Variants in MSH4 observed in about 807,000 individuals in gnomAD.
The protein encoded by MSH4 is mutS homolog 4.
MSH4 carries 106 observed loss-of-function variants against 113.7 expected under a neutral mutation model. The ratio of observed to expected loss-of-function variants is 0.93; its 90% CI spans 0.80 to 1.10. The LOEUF is 1.10. MSH4 is among the 50% of genes least tolerant of loss of function. MSH4 has a pLI of 0.00. For synonymous variants in MSH4, 368 were observed against 380.2 expected (o/e 0.97, Z 0.37); for missense variants, 1,061 against 1,093.7 (o/e 0.97, Z 0.42).
At chr1:75,893,769 T>G (rs1317587682) in intron 17 of MSH4, among the ~76,000 whole-genome samples, 1 of 152,112 alleles carries the variant, frequency 6.6e-6, no homozygotes, top group African/African-American at 2.4e-5. Flanking sequence ...TCTAAGGGTG[T>G]GGGATAAGGG....
rs1650173981 is a variant in MSH4 at position 75,810,774 on chromosome 1, C to T, written c.666C>T (p.Thr222=). 6.3e-7 allele frequency: 1 copy of T among 1,588,176 alleles called. No homozygotes were observed. The highest frequency in any genetic ancestry group is 1.8e-5 in the Admixed American group (1 of 56,182). The change falls in exon 4 of 20, where the codon ACC becomes ACT. Residue 222 remains threonine, a synonymous_variant. Coordinates refer to ENST00000263187, the MANE Select transcript of MSH4 (RefSeq NM_002440.4). ...CTGCTTGTGCTGTGGGGAATTCCAC[C>T]AAGTTGTTCACTCTGATCACAGAAA... is the stretch of plus-strand genomic sequence containing the variant. The part of the protein sequence containing the change: ...SNTACAVGNS[T]KLFTLITENF...
chr1:75,827,309 G>T (rs193229689), intron 7 of MSH4, among the ~76,000 whole-genome samples: 1 of 152,168 alleles, frequency 6.6e-6, no homozygotes, highest in Admixed American at 6.5e-5. Flanking sequence ...TCACCATCAG[G>T]CCTGCCTTGC....
At chr1:75,905,096 CTTG>C (rs1224233568) in intron 19 of MSH4, among the ~76,000 whole-genome samples, 4 of 149,092 alleles carry the variant, frequency 2.7e-5, no homozygotes, top group Non-Finnish European at 5.9e-5. Context: ...TTAGGTTTGG[CTTG>C]TTGTTTTTGC....
chr1:75,879,055 G>A lies in MSH4; in HGVS notation c.1604G>A (p.Arg535Gln), dbSNP rs1244992679. The A allele has an allele frequency of 2.1e-5, 34 of 1,610,334 alleles. No individual in the cohort carries two copies. In the East Asian group the frequency reaches 3.6e-4, roughly 17 times the overall value. The change falls in exon 12 of 20, where the codon CGA (arginine) becomes CAA (glutamine). Residue 535 changes from arginine to glutamine, a missense_variant. Transcript: ENST00000263187. ...TTAAGGACAAGTTTTAGCTCTGCTC[G>A]AGGATTTTTCATCCAGATGACTACA... ...LPLRTSFSSARGFFIQMTTDC... is the reference protein window; with the variant it reads ...LPLRTSFSSAQGFFIQMTTDC...
chr1:75,816,309 A>T, intron 5 of MSH4, 64 bp from the exon 6 acceptor site: 1 of 1,091,242 alleles, frequency 9.2e-7, no homozygotes, highest in Non-Finnish European at 1.2e-6. Flanking sequence ...AATTTTTCTT[A>T]AGGGGAAATA....
At chr1:75,887,135 A>G (rs1031787787) in intron 15 of MSH4, among the ~76,000 whole-genome samples, 2 of 151,954 alleles carry the variant, frequency 1.3e-5, no homozygotes, top group East Asian at 3.9e-4. Flanking sequence ...CTCACCTTGA[A>G]TTGTAATCCC....
At chr1:75,879,712 G>C (rs1215286640) in intron 12 of MSH4, among the ~76,000 whole-genome samples, 2 of 152,124 alleles carry the variant, frequency 1.3e-5, no homozygotes, top group Admixed American at 6.6e-5. Context: ...AGGGGTCAGA[G>C]ATGGAGTGAG....
At chr1:75,885,361 G>A (rs1196736733) in intron 15 of MSH4, among the ~76,000 whole-genome samples, 4 of 120,062 alleles carry the variant, frequency 3.3e-5, no homozygotes, top group Admixed American at 2.0e-4. Context: ...ATATATAAAG[G>A]TATGTAACAT....
At position 75,848,237 on chromosome 1, in the gene MSH4, G is replaced by C. The variant is rs1243683675; in HGVS notation, c.1191G>C (p.Gln397His). ...TATCAAGATTTCTTGATACAGAGCA[G>C]CTTCTTTCTGTTTTAGTCCAAATTC... ...SVISRFLDTEQLLSVLVQIPK... is the reference protein window; with the variant it reads ...SVISRFLDTEHLLSVLVQIPK... The change falls in exon 8 of 20, where the codon CAG becomes CAC. Residue 397 changes from glutamine to histidine, a missense_variant. Physicochemically the swap from Gln to His is conservative, Grantham distance 24 (BLOSUM62 0). Coordinates refer to ENST00000263187, the MANE Select transcript of MSH4 (RefSeq NM_002440.4). 3 of 1,609,238 alleles carry C rather than the reference G, an allele frequency of 1.9e-6. No individual in the cohort carries two copies. The highest frequency in any genetic ancestry group is 1.1e-5 in the South Asian group (1 of 90,590).
At chr1:75,835,249 G>A (rs1384771152) in intron 7 of MSH4, among the ~76,000 whole-genome samples, 1 of 152,042 alleles carries the variant, frequency 6.6e-6, no homozygotes, top group Non-Finnish European at 1.5e-5. Context: ...CAAAATTCTG[G>A]TATTATATTG....
intron 7 of MSH4, among the ~76,000 whole-genome samples, chr1:75,824,705 C>G (rs1038006302): frequency 6.6e-6 from 1 of 152,124 alleles, no homozygotes; most frequent in Non-Finnish European, 1.5e-5. Context: ...GCCAGTTTTC[C>G]TAGCACCGTT....
rs944599452 is a variant in MSH4 at position 75,887,319 on chromosome 1, A to C, written c.2108-1932A>C. Among the ~76,000 whole-genome samples, 3 of 151,908 alleles carry C rather than the reference A, an allele frequency of 2.0e-5. No individual in the cohort carries two copies. The South Asian group carries it at 6.2e-4, about 32-fold the overall frequency. ...CATATGAGGACGGTCCTTGCTTTCTATTTGCCTTCCGTCATGATTGTAAGT... is the reference window on the plus strand; with the variant it reads ...CATATGAGGACGGTCCTTGCTTTCTCTTTGCCTTCCGTCATGATTGTAAGT... On this transcript the variant is annotated intron_variant, in intron 15 of 19. Coordinates refer to ENST00000263187, the MANE Select transcript of MSH4 (RefSeq NM_002440.4).
At chr1:75,823,788 C>G (rs1342502547) in intron 7 of MSH4, among the ~76,000 whole-genome samples, 1 of 152,060 alleles carries the variant, frequency 6.6e-6, no homozygotes, top group Non-Finnish European at 1.5e-5. Flanking sequence ...CATCCATGTC[C>G]CTGCAGAGGT....
At chr1:75,912,334 T>C (rs891093223) in intron 19 of MSH4, among the ~76,000 whole-genome samples, 2 of 152,082 alleles carry the variant, frequency 1.3e-5, no homozygotes, top group Non-Finnish European at 2.9e-5. Flanking sequence ...CATACCTTTT[T>C]AATGGGAAAG....
At chr1:75,871,695 C>T (rs1050246761) in intron 9 of MSH4, among the ~76,000 whole-genome samples, 1 of 152,098 alleles carries the variant, frequency 6.6e-6, no homozygotes, top group Admixed American at 6.5e-5. Flanking sequence ...GAAATGTTTG[C>T]AACATCTATT....
chr1:75,867,560 A>G lies in MSH4; in HGVS notation c.1277A>G (p.His426Arg), dbSNP rs1393061732. ...SKITNLIYLKHTLELVDPLKI... is the reference protein window; with the variant it reads ...SKITNLIYLKRTLELVDPLKI... Reference sequence around the variant, plus strand: ...ATAACAAATTTAATATACTTAAAACATACCTTGGAACTTGTGGATCCTTTA... The same window carrying G: ...ATAACAAATTTAATATACTTAAAACGTACCTTGGAACTTGTGGATCCTTTA... The change falls in exon 9 of 20, where the codon CAT (histidine) becomes CGT (arginine). Residue 426 changes from histidine to arginine, a missense_variant. Physicochemically the swap from His to Arg is conservative, Grantham distance 29 (BLOSUM62 0). Transcript: ENST00000263187. 6.3e-7 allele frequency: 1 copy of G among 1,597,350 alleles called. No homozygotes were observed. The highest frequency in any genetic ancestry group is 1.8e-5 in the Admixed American group (1 of 57,008).
chr1:75,825,613 C>T (rs1447198803), intron 7 of MSH4, among the ~76,000 whole-genome samples: 2 of 152,080 alleles, frequency 1.3e-5, no homozygotes, highest in Non-Finnish European at 2.9e-5. Flanking sequence ...TCATAAATAG[C>T]TCTTACTATT....
At chr1:75,821,751 G>A (rs1650419079) in intron 6 of MSH4, among the ~76,000 whole-genome samples, 1 of 152,090 alleles carries the variant, frequency 6.6e-6, no homozygotes, top group Admixed American at 6.6e-5. Context: ...TGGGACTAAA[G>A]GCCTGTGCCA....
intron 19 of MSH4, among the ~76,000 whole-genome samples, chr1:75,910,663 G>A (rs1652770019): frequency 6.6e-6 from 1 of 151,712 alleles, no homozygotes; most frequent in African/African-American, 2.4e-5. Flanking sequence ...ATCTGCACTT[G>A]GTGATCTCAT....
Sources: gnomAD v4.1 joint callset for allele counts (sites outside exome capture counted in the v4.1 genomes callset) on GRCh38, gnomAD v4.1.1 for gene constraint, MANE v1.5 for transcripts, NCBI Gene and HGNC (gene_info 2026-07-23, HGNC 2026-07-21) for gene names.